Variants in ZNF385D observed in about 807,000 individuals in gnomAD.
ZNF385D encodes the protein zinc finger protein 659.
A neutral mutation model predicts 35.8 loss-of-function variants in ZNF385D; 15 were observed. The ratio of observed to expected loss-of-function variants is 0.42; its 90% CI spans 0.28 to 0.64. The LOEUF (loss-of-function observed/expected upper bound fraction) is 0.64, where lower values mean the gene tolerates loss of function less well. ZNF385D is among the 30% of genes least tolerant of loss of function. The pLI, the probability that ZNF385D is intolerant of heterozygous loss-of-function variation, is 0.23. For synonymous variants in ZNF385D, 212 were observed against 186.8 expected (o/e 1.13, Z -1.10); for missense variants, 474 against 494.6 (o/e 0.96, Z 0.39).
At chr3:21,535,705 T>C (rs952242840) in intron 3 of ZNF385D, among the ~76,000 whole-genome samples, 1 of 152,110 alleles carries the variant, frequency 6.6e-6, no homozygotes, top group Non-Finnish European at 1.5e-5. Flanking sequence ...TAATTTAGCT[T>C]TGAATATCAG....
At chr3:21,664,204 A>T (rs916242170) in intron 2 of ZNF385D, among the ~76,000 whole-genome samples, 47 of 152,176 alleles carry the variant, frequency 3.1e-4, no homozygotes, top group African/African-American at 1.1e-3. Flanking sequence ...GCAGAAAAAG[A>T]AACACACGAT....
At chr3:22,171,070 G>C (rs141133588) in intron 2 of ZNF385D, among the ~76,000 whole-genome samples, 70 of 152,132 alleles carry the variant, frequency 4.6e-4, no homozygotes, top group African/African-American at 1.6e-3. Context: ...GTTTCCTTTA[G>C]CATTTCTGTA....
intron 4 of ZNF385D, among the ~76,000 whole-genome samples, chr3:21,458,791 G>A (rs1195701921): frequency 7.0e-6 from 1 of 142,688 alleles, no homozygotes; most frequent in Non-Finnish European, 1.5e-5. Context: ...TGAGGGGAGA[G>A]GGAGTCCATG....
rs1436267180 is a variant in ZNF385D, at chr3:21,492,676, C to T, written c.439+18185G>A. ...GCGAACACCTATAGTCCCAGCTACT[C>T]GGGAGGATGAGGCGGGAGAATTGAT... On this transcript the variant is annotated intron_variant, in intron 4 of 7. Transcript: ENST00000281523. 3.3e-5 allele frequency among the ~76,000 whole-genome samples: 5 copies of T among 151,624 alleles called. No homozygotes were observed. The East Asian group carries it at 5.9e-4, about 18-fold the overall frequency.
intron 3 of ZNF385D, among the ~76,000 whole-genome samples, chr3:21,891,416 A>G (rs1698858699): frequency 6.6e-6 from 1 of 152,152 alleles, no homozygotes. Flanking sequence ...CATCCTGACC[A>G]CACCATTCAT....
At chr3:21,747,230 G>T (rs888063823) in intron 1 of ZNF385D, among the ~76,000 whole-genome samples, 3 of 152,160 alleles carry the variant, frequency 2.0e-5, no homozygotes, top group Non-Finnish European at 4.4e-5. Flanking sequence ...AATTTTGCCT[G>T]CCCTTTTCTC....
chr3:21,690,915 T>G (rs1271746564), intron 1 of ZNF385D, among the ~76,000 whole-genome samples: 1 of 152,206 alleles, frequency 6.6e-6, no homozygotes, highest in Non-Finnish European at 1.5e-5. Flanking sequence ...GATCAATATC[T>G]AAAACTGTTC....
intron 3 of ZNF385D, among the ~76,000 whole-genome samples, chr3:21,801,433 A>G (rs1337293053): frequency 6.6e-6 from 1 of 152,216 alleles, no homozygotes; most frequent in Non-Finnish European, 1.5e-5. Context: ...AAAATTCATC[A>G]GTGAAAACAT....
At chr3:21,853,650 G>A (rs1409494164) in intron 3 of ZNF385D, among the ~76,000 whole-genome samples, 1 of 151,490 alleles carries the variant, frequency 6.6e-6, no homozygotes, top group African/African-American at 2.4e-5. Context: ...ACTTAGACTT[G>A]GAAGAATGAA....
intron 2 of ZNF385D, among the ~76,000 whole-genome samples, chr3:22,181,507 G>C (rs1422623449): frequency 6.6e-6 from 1 of 151,842 alleles, no homozygotes; most frequent in South Asian, 2.1e-4. Flanking sequence ...CCATGCTGGC[G>C]AACACGGTGA....
intron 3 of ZNF385D, among the ~76,000 whole-genome samples, chr3:21,525,187 C>T (rs1708148957): frequency 6.6e-6 from 1 of 152,074 alleles, no homozygotes; most frequent in Non-Finnish European, 1.5e-5. Context: ...AAAGCTGCAA[C>T]TCAGTGAGAT....
chr3:21,874,894 T>A (rs1301411613), intron 3 of ZNF385D, among the ~76,000 whole-genome samples: 2 of 152,106 alleles, frequency 1.3e-5, no homozygotes, highest in African/African-American at 4.8e-5. Flanking sequence ...TTGTTTGTTC[T>A]TTAATTTCTT....
At chr3:22,186,153 G>A (rs772810968) in intron 2 of ZNF385D, among the ~76,000 whole-genome samples, 2 of 152,170 alleles carry the variant, frequency 1.3e-5, no homozygotes, top group Non-Finnish European at 2.9e-5. Context: ...ATTGGAGTTA[G>A]AAAGTGAGGT....
intron 2 of ZNF385D, among the ~76,000 whole-genome samples, chr3:22,209,982 T>A (rs1459649312): frequency 6.6e-6 from 1 of 151,822 alleles, no homozygotes; most frequent in Non-Finnish European, 1.5e-5. Flanking sequence ...TATTCAAAAT[T>A]ATATTCAGTT....
chr3:21,965,693 T>G (rs1702874822), intron 3 of ZNF385D, among the ~76,000 whole-genome samples: 1 of 152,190 alleles, frequency 6.6e-6, no homozygotes, highest in East Asian at 1.9e-4. Flanking sequence ...AACTGCAGAT[T>G]TGGCAATGTT....
intron 2 of ZNF385D, among the ~76,000 whole-genome samples, chr3:22,320,148 A>G (rs1009640546): frequency 4.0e-5 from 6 of 151,896 alleles, no homozygotes; most frequent in African/African-American, 7.3e-5. Context: ...ATTTACACCA[A>G]TAAGGTCTTA....
rs189720117 is a variant in ZNF385D at position 21,811,936 on chromosome 3, C to T, written c.326-146908G>A. Reference sequence around the variant, plus strand: ...AATCTTAACAACACACAAATAGAGACAACAGACATTTTGTGCCTTCAAAAT... The same window carrying T: ...AATCTTAACAACACACAAATAGAGATAACAGACATTTTGTGCCTTCAAAAT... On this transcript the variant is annotated intron_variant, in intron 3 of 5. Transcript: ENST00000494108. Among the ~76,000 whole-genome samples the T allele has an allele frequency of 5.1e-3, 779 of 152,160 alleles. 8 individuals carry two copies. The highest frequency in any genetic ancestry group is 7.7e-3 in the Non-Finnish European group (524 of 67,972).
chr3:21,716,079 A>G (rs1229362450), intron 1 of ZNF385D, among the ~76,000 whole-genome samples: 1 of 152,036 alleles, frequency 6.6e-6, no homozygotes. Context: ...CCCCACACCC[A>G]ACCCCTCAGC....
chr3:21,953,124 G>A (rs1453293640), intron 3 of ZNF385D, among the ~76,000 whole-genome samples: 1 of 151,794 alleles, frequency 6.6e-6, no homozygotes, highest in African/African-American at 2.4e-5. Flanking sequence ...CTTCTCTGCT[G>A]GCCAGATTTT....
Sources: allele counts gnomAD v4.1 joint callset (sites outside exome capture counted in the v4.1 genomes callset), GRCh38; gene constraint gnomAD v4.1.1; transcripts MANE v1.5; gene names NCBI Gene and HGNC (gene_info 2026-07-23, HGNC 2026-07-21).